SDR42E1: variants seen among roughly 807,000 people sequenced by gnomAD.
SDR42E1 encodes short chain dehydrogenase/reductase family 42E, member 1.
A neutral mutation model predicts 2.6 loss-of-function variants in SDR42E1; 5 were observed. The ratio of observed to expected loss-of-function variants is 1.94; its 90% CI spans 1.01 to 4.08. The LOEUF (loss-of-function observed/expected upper bound fraction) is 4.08. Among genes scored for constraint, SDR42E1 ranks in the 30% most tolerant of loss-of-function variants. The pLI is 0.00. For synonymous variants in SDR42E1, 231 were observed against 188.3 expected (o/e 1.23, Z -1.86); for missense variants, 596 against 478.6 (o/e 1.25, Z -2.29).
chr16:82,003,326 T>A (rs1012617445), intron 1 of SDR42E1, among the ~76,000 whole-genome samples: 4 of 152,232 alleles, frequency 2.6e-5, no homozygotes, highest in African/African-American at 9.6e-5. Flanking sequence ...ACACTCCCAT[T>A]TGGATTTAGA....
rs897582936 is a variant in SDR42E1, at chr16:81,999,342, G to A, written c.951C>T (p.Tyr317=). The change falls in exon 3 of 3, where the codon TAC becomes TAT. Residue 317 remains tyrosine, a synonymous_variant. Coordinates refer to ENST00000328945, the MANE Select transcript of SDR42E1 (RefSeq NM_145168.3). Reference sequence around the variant, plus strand: ...TAAAATAATGTGTGACACCAGTTTTGTAAACTTCAGTGCGAGTGAGGAAGG... The same window carrying A: ...TAAAATAATGTGTGACACCAGTTTTATAAACTTCAGTGCGAGTGAGGAAGG... ...FQPFLTRTEV[Y]KTGVTHYFSL... The A allele has an allele frequency of 1.9e-6, 3 of 1,614,060 alleles. No homozygotes were observed. Among genetic ancestry groups the A allele is most frequent in the African/African-American group, 1.3e-5 (1 of 74,926 alleles).
At chr16:82,000,981 G>A in intron 1 of SDR42E1, 97 bp from the exon 2 acceptor site, 1 of 734,784 alleles carries the variant, frequency 1.4e-6, no homozygotes, top group Non-Finnish European at 2.2e-6. Context: ...ATACGCTGTA[G>A]TAGAATGAAA....
rs1288500933 is a variant in SDR42E1 at position 81,991,561 on chromosome 16, A to G, written c.*7550T>C. 1 of 152,128 alleles carries G rather than the reference A, an allele frequency of 6.6e-6. No homozygotes were observed. Among genetic ancestry groups the G allele is most frequent in the Non-Finnish European group, 1.5e-5 (1 of 68,052 alleles). The allele number at this position is 152,128 out of a possible 1,614,324, so 9.4% of individuals were successfully genotyped here. A position where few individuals can be genotyped will look rare whatever the true frequency, so the allele number is the denominator to read the frequency against. On this transcript the variant is annotated 3_prime_UTR_variant, in exon 3 of 3. Transcript: ENST00000328945. Reference sequence around the variant, plus strand: ...GTGAAACACCGTCTCTACAGAAAATAAAAGCTGGATGTGGTGGCATGCACC... The same window carrying G: ...GTGAAACACCGTCTCTACAGAAAATGAAAGCTGGATGTGGTGGCATGCACC...
intron 1 of SDR42E1, among the ~76,000 whole-genome samples, chr16:82,007,016 G>C: frequency 6.6e-6 from 1 of 152,184 alleles, no homozygotes; most frequent in Non-Finnish European, 1.5e-5. Context: ...CTAGATACTT[G>C]TGGCACAAGT....
At position 81,999,785 on chromosome 16, in the gene SDR42E1, G is replaced by A. The variant is rs768498391; in HGVS notation, c.508C>T (p.Pro170Ser). ...EQKVLEANAT[P>S]LDRGDGVLRT... ...AAGACACCGTCGCCTCTGTCCAGGGGTGTAGCATTCGCCTCCAGCACCTTC... is the reference window on the plus strand; with the variant it reads ...AAGACACCGTCGCCTCTGTCCAGGGATGTAGCATTCGCCTCCAGCACCTTC... The change falls in exon 3 of 3, where the codon CCC becomes TCC. Residue 170 changes from proline to serine, a missense_variant. By Grantham distance (74) the Pro-to-Ser change is moderately conservative (BLOSUM62 -1). Coordinates refer to ENST00000328945, the MANE Select transcript of SDR42E1 (RefSeq NM_145168.3). 2 of 1,614,202 alleles carry A rather than the reference G, an allele frequency of 1.2e-6. No individual in the cohort carries two copies.
chr16:81,993,950 C>G lies in SDR42E1; in HGVS notation c.*5161G>C, dbSNP rs796464903. On this transcript the variant is annotated 3_prime_UTR_variant, in exon 3 of 3. Transcript: ENST00000328945. Reference sequence around the variant, plus strand: ...AAACTCCAGCAAATGTTAAATTACCCAGGGACCAAAAGACGACCCCCGTTT... The same window carrying G: ...AAACTCCAGCAAATGTTAAATTACCGAGGGACCAAAAGACGACCCCCGTTT... 3.9e-5 allele frequency: 6 copies of G among 152,076 alleles called. No individual in the cohort carries two copies. The highest frequency in any genetic ancestry group is 1.4e-4 in the African/African-American group (6 of 41,484). The allele number at this position is 152,076 out of a possible 1,614,324, so 9.4% of individuals were successfully genotyped here. A position where few individuals can be genotyped will look rare whatever the true frequency, so the allele number is the denominator to read the frequency against.
intron 1 of SDR42E1, among the ~76,000 whole-genome samples, chr16:82,009,017 A>G (rs910141484): frequency 3.3e-5 from 5 of 152,186 alleles, no homozygotes; most frequent in African/African-American, 1.2e-4. Flanking sequence ...CTGGGGCTTC[A>G]GAGGGTGCAA....
At chr16:82,002,864 G>A (rs925784324) in intron 1 of SDR42E1, among the ~76,000 whole-genome samples, 1 of 152,276 alleles carries the variant, frequency 6.6e-6, no homozygotes, top group Admixed American at 6.5e-5. Context: ...CACCGTATGG[G>A]CACTCCACAG....
intron 1 of SDR42E1, among the ~76,000 whole-genome samples, chr16:82,008,850 T>C (rs926641647): frequency 1.6e-4 from 25 of 152,306 alleles, no homozygotes; most frequent in Admixed American, 1.0e-3. Flanking sequence ...GAGACCTTCT[T>C]GGCAGCCCCT....
chr16:82,000,378 C>T (rs772362022), intron 2 of SDR42E1, 154 bp from the exon 3 acceptor site: 9 of 921,978 alleles, frequency 9.8e-6, no homozygotes, highest in African/African-American at 3.3e-5. Flanking sequence ...GTGCAAGCCT[C>T]GCTTCTTCAA....
At position 81,989,315 on chromosome 16, in the gene SDR42E1, G is replaced by A. The variant is rs1264284741; in HGVS notation, c.*9796C>T. On this transcript the variant is annotated 3_prime_UTR_variant, in exon 3 of 3. Transcript: ENST00000328945. ...ACTGTGAGGTGGGAGACAGTAGTAT[G>A]GGGAAAGACATGAACACCACAGCCC... 3 of 152,152 alleles carry A rather than the reference G, an allele frequency of 2.0e-5. No individual in the cohort carries two copies. Among genetic ancestry groups the A allele is most frequent in the Non-Finnish European group, 4.4e-5 (3 of 68,042 alleles). 9.4% of individuals were successfully genotyped at this position (152,152 alleles called of 1,614,324 possible).
At chr16:82,008,491 G>C (rs1034954404) in intron 1 of SDR42E1, among the ~76,000 whole-genome samples, 14 of 152,216 alleles carry the variant, frequency 9.2e-5, no homozygotes, top group African/African-American at 2.2e-4. Flanking sequence ...ATAAAGTCCA[G>C]GCTGAGGTGG....
chr16:82,005,570 G>A (rs1269058574), intron 1 of SDR42E1, among the ~76,000 whole-genome samples: 1 of 152,184 alleles, frequency 6.6e-6, no homozygotes, highest in Non-Finnish European at 1.5e-5. Context: ...CCAGAAGGGA[G>A]AAAAGAGAAT....
chr16:81,992,660 C>T lies in SDR42E1; in HGVS notation c.*6451G>A, dbSNP rs1298604109. The T allele has an allele frequency of 6.6e-6, 1 of 152,118 alleles. No individual in the cohort carries two copies. Among genetic ancestry groups the T allele is most frequent in the African/African-American group, 2.4e-5 (1 of 41,420 alleles). 9.4% of individuals were successfully genotyped at this position (152,118 alleles called of 1,614,324 possible). A position where few individuals can be genotyped will look rare whatever the true frequency, so the allele number is the denominator to read the frequency against. On this transcript the variant is annotated 3_prime_UTR_variant, in exon 3 of 3. Coordinates refer to ENST00000328945, the MANE Select transcript of SDR42E1 (RefSeq NM_145168.3). The stretch of plus-strand genomic sequence containing the variant: ...TTTTTAATTACTTGCATGCTTTAAC[C>T]AGCTGTTAAAAATAAACATTGCGAA...
At chr16:82,010,673 C>T (rs532954531) in intron 1 of SDR42E1, among the ~76,000 whole-genome samples, 15 of 152,264 alleles carry the variant, frequency 9.9e-5, no homozygotes, top group South Asian at 2.1e-4. Flanking sequence ...CGAGTTGTCC[C>T]GCCTTTCCAG....
Position 81,995,188 on chromosome 16 carries a change from AC to A in SDR42E1, c.*3922del, listed in dbSNP as rs1475210205. The stretch of plus-strand genomic sequence containing the variant: ...CGACCCTCCATCAATCATATGGATA[AC>A]CTCCCACACACTCCTCAGAAGCCAT... On this transcript the variant is annotated 3_prime_UTR_variant, in exon 3 of 3. Coordinates refer to ENST00000328945, the MANE Select transcript of SDR42E1 (RefSeq NM_145168.3). The A allele has an allele frequency of 6.6e-6, 1 of 152,180 alleles. No homozygotes were observed. Among genetic ancestry groups the A allele is most frequent in the Non-Finnish European group, 1.5e-5 (1 of 68,092 alleles). The allele number at this position is 152,180 out of a possible 1,614,324, so 9.4% of individuals were successfully genotyped here. A position where few individuals can be genotyped will look rare whatever the true frequency, so the allele number is the denominator to read the frequency against.
intron 2 of SDR42E1, chr16:82,000,560 T>C (rs1343910880): frequency 3.4e-6 from 2 of 590,238 alleles, no homozygotes; most frequent in Admixed American, 6.0e-5. Context: ...AAAATTGTTT[T>C]TGGTGATGTG....
intron 1 of SDR42E1, among the ~76,000 whole-genome samples, chr16:82,006,471 G>A (rs757473353): frequency 1.3e-5 from 2 of 152,196 alleles, no homozygotes; most frequent in East Asian, 3.9e-4. Flanking sequence ...GAAGAATTCT[G>A]ATACAGATAA....
rs567585409 is a variant in SDR42E1 at position 82,007,111 on chromosome 16, T to G, written c.-27+4276A>C. Among the ~76,000 whole-genome samples, 3 of 152,346 alleles carry G rather than the reference T, an allele frequency of 2.0e-5. No homozygotes were observed. In the South Asian group the frequency reaches 6.2e-4, roughly 32 times the overall value. On this transcript the variant is annotated intron_variant, in intron 1 of 2. Coordinates refer to ENST00000328945, the MANE Select transcript of SDR42E1 (RefSeq NM_145168.3). ...TTCCCATCTGTTTCCCAAGCTACAG[T>G]ATAAATGCCATGTGAGTACAGACTG...
Sources: gnomAD v4.1 joint callset for allele counts (sites outside exome capture counted in the v4.1 genomes callset) on GRCh38, gnomAD v4.1.1 for gene constraint, MANE v1.5 for transcripts, NCBI Gene and HGNC (gene_info 2026-07-23, HGNC 2026-07-21) for gene names.